The following SLC12A8 variants were observed in gnomAD, a reference collection of about 807,000 sequenced individuals.
The protein encoded by SLC12A8 is cation-chloride cotransporter 9.
Under a neutral mutation model 75.6 loss-of-function variants are expected in SLC12A8, and 69 were observed. The observed-to-expected ratio is 0.91, with a 90% CI of 0.75 to 1.11. The LOEUF is 1.11. SLC12A8 is among the 50% of genes most tolerant of loss of function. The pLI, the probability that SLC12A8 is intolerant of heterozygous loss-of-function variation, is 0.00. For synonymous variants in SLC12A8, 365 were observed against 372.8 expected, an observed-to-expected ratio of 0.98 and a Z score of 0.24; for missense variants, 877 against 896.7, an observed-to-expected ratio of 0.98 and a Z score of 0.28.
chr3:125,137,332 C>T (rs1933517479), intron 5 of SLC12A8, among the ~76,000 whole-genome samples: 1 of 152,220 alleles, frequency 6.6e-6, no homozygotes, highest in African/African-American at 2.4e-5. Context: ...TTTGCCTGAA[C>T]ACAGAATTTG....
chr3:125,181,911 G>A (rs753522923), intron 4 of SLC12A8, among the ~76,000 whole-genome samples: 13 of 152,160 alleles, frequency 8.5e-5, no homozygotes, highest in Admixed American at 1.3e-4. Flanking sequence ...AGAGGGCCAG[G>A]CCCAGTGGCT....
chr3:125,195,838 T>C (rs1255104993), intron 2 of SLC12A8, among the ~76,000 whole-genome samples: 1 of 152,166 alleles, frequency 6.6e-6, no homozygotes, highest in Admixed American at 6.6e-5. Context: ...ACAGCAGCCA[T>C]GTCAAGGCCA....
At chr3:125,161,048 A>G (rs1220673149) in intron 5 of SLC12A8, among the ~76,000 whole-genome samples, 1 of 152,232 alleles carries the variant, frequency 6.6e-6, no homozygotes, top group Non-Finnish European at 1.5e-5. Flanking sequence ...CAGTGAGTCT[A>G]CTGAAAAACA....
chr3:125,176,628 GA>G (rs1934534317), intron 5 of SLC12A8, among the ~76,000 whole-genome samples: 1 of 151,716 alleles, frequency 6.6e-6, no homozygotes, highest in Non-Finnish European at 1.5e-5. Flanking sequence ...AAATGTACAA[GA>G]AAAAAACAAA....
chr3:125,143,158 A>G (rs1223665262), intron 5 of SLC12A8, among the ~76,000 whole-genome samples: 1 of 152,254 alleles, frequency 6.6e-6, no homozygotes, highest in Non-Finnish European at 1.5e-5. Flanking sequence ...GGGGAACAGT[A>G]ACCCTAATTG....
At chr3:125,192,335 C>T (rs1277427921) in intron 2 of SLC12A8, among the ~76,000 whole-genome samples, 1 of 152,142 alleles carries the variant, frequency 6.6e-6, no homozygotes, top group Non-Finnish European at 1.5e-5. Context: ...AGTCTCACAG[C>T]CAGGGCTTCC....
chr3:125,095,723 C>T (rs956703662), intron 10 of SLC12A8, among the ~76,000 whole-genome samples: 8 of 152,266 alleles, frequency 5.3e-5, no homozygotes, highest in Admixed American at 1.3e-4. Context: ...TGACTAGGTC[C>T]GAGGGCATAG....
At chr3:125,168,230 T>C (rs997463729) in intron 5 of SLC12A8, among the ~76,000 whole-genome samples, 3 of 152,016 alleles carry the variant, frequency 2.0e-5, no homozygotes, top group Admixed American at 2.0e-4. Flanking sequence ...AAAGTTCTTT[T>C]CCAAGTTTTC....
intron 10 of SLC12A8, among the ~76,000 whole-genome samples, chr3:125,094,887 T>G (rs893035316): frequency 1.3e-5 from 2 of 152,244 alleles, no homozygotes; most frequent in African/African-American, 4.8e-5. Context: ...TCCCATTTGA[T>G]CTTTCAGGCA....
intron 5 of SLC12A8, among the ~76,000 whole-genome samples, chr3:125,169,735 T>C (rs1380170501): frequency 6.6e-6 from 1 of 152,088 alleles, no homozygotes; most frequent in African/African-American, 2.4e-5. Flanking sequence ...AAACGAACAT[T>C]TGGGGGACTT....
chr3:125,205,157 C>T (rs1188513727), intron 2 of SLC12A8, among the ~76,000 whole-genome samples: 5 of 152,288 alleles, frequency 3.3e-5, no homozygotes, highest in East Asian at 3.9e-4. Context: ...AGCTGTCCAC[C>T]GTGCCCTGCC....
intron 6 of SLC12A8, among the ~76,000 whole-genome samples, chr3:125,132,901 G>C (rs1261893906): frequency 6.6e-6 from 1 of 152,230 alleles, no homozygotes; most frequent in Non-Finnish European, 1.5e-5. Context: ...CAGAGAGTAG[G>C]AGGGAGCTGA....
intron 5 of SLC12A8, among the ~76,000 whole-genome samples, chr3:125,169,880 G>A (rs113759152): frequency 7.9e-5 from 12 of 152,146 alleles, no homozygotes; most frequent in East Asian, 1.9e-4. Flanking sequence ...GATGGACAGC[G>A]ACTACCAGAC....
At chr3:125,176,079 T>C (rs1934520983) in intron 5 of SLC12A8, among the ~76,000 whole-genome samples, 1 of 94,726 alleles carries the variant, frequency 1.1e-5, no homozygotes, top group Admixed American at 1.2e-4. Context: ...ACCAACATTT[T>C]TCTAAAAGGC....
At chr3:125,197,550 G>C (rs923398449) in intron 2 of SLC12A8, among the ~76,000 whole-genome samples, 2 of 152,148 alleles carry the variant, frequency 1.3e-5, no homozygotes, top group Non-Finnish European at 2.9e-5. Flanking sequence ...TCTCAGCCCT[G>C]CAGAGTGCTG....
intron 10 of SLC12A8, among the ~76,000 whole-genome samples, chr3:125,099,122 T>C (rs1938795007): frequency 1.3e-5 from 2 of 152,256 alleles, no homozygotes; most frequent in Middle Eastern, 3.4e-3. Context: ...GCTTCCCAAG[T>C]GACACACAGA....
At chr3:125,117,423 C>CA (rs1220871566) in intron 8 of SLC12A8, among the ~76,000 whole-genome samples, 1 of 59,656 alleles carries the variant, frequency 1.7e-5, no homozygotes, top group Non-Finnish European at 3.4e-5. Context: ...CCCGTCTCTA[C>CA]AAAAAATTGA....
intron 10 of SLC12A8, among the ~76,000 whole-genome samples, chr3:125,099,472 G>A (rs1176474393): frequency 6.6e-6 from 1 of 152,056 alleles, no homozygotes; most frequent in Non-Finnish European, 1.5e-5. Context: ...TCAAGTAAAA[G>A]AAACTAACTG....
rs544678819 is a variant in SLC12A8 at position 125,191,473 on chromosome 3, G to A, written c.52-952C>T. ...CACAAACGACTACAGCAGTGATTAC[G>A]GTTCTCAGCTGGGTGGGGTGGGTGG... is the stretch of plus-strand genomic sequence containing the variant. On this transcript the variant is annotated intron_variant, in intron 2 of 13. Coordinates refer to ENST00000469902, the MANE Select transcript of SLC12A8 (RefSeq NM_024628.6). Among the ~76,000 whole-genome samples, 50 of 131,664 alleles carry A rather than the reference G, an allele frequency of 3.8e-4. No individual in the cohort carries two copies. The Middle Eastern group carries it at 0.011, about 29-fold the overall frequency. The allele number at this position is 131,664 out of a possible 152,430, so 86.4% of individuals were successfully genotyped here.
Sources: gnomAD v4.1 joint callset for allele counts (sites outside exome capture counted in the v4.1 genomes callset) on GRCh38, gnomAD v4.1.1 for gene constraint, MANE v1.5 for transcripts, NCBI Gene and HGNC (gene_info 2026-07-23, HGNC 2026-07-21) for gene names.